SLC6A2: variants seen among roughly 807,000 people sequenced by gnomAD.
SLC6A2 encodes the protein solute carrier family 6 member 2.
Under a neutral mutation model 71.7 loss-of-function variants are expected in SLC6A2, and 26 were observed. The ratio of observed to expected loss-of-function variants is 0.36; its 90% CI spans 0.27 to 0.50. The LOEUF (loss-of-function observed/expected upper bound fraction) is 0.50. Ranked by LOEUF, SLC6A2 falls within the 20% of genes least tolerant of loss-of-function variation. The probability of loss-of-function intolerance (pLI) is 0.96; values close to 1 mark genes in which losing one functional copy is unlikely to be tolerated. For synonymous variants in SLC6A2, 363 were observed against 337.9 expected (o/e 1.07, Z -0.82); for missense variants, 581 against 803.9 (o/e 0.72, Z 3.35).
In SLC6A2 at chr16:55,702,415, C is replaced by T. The variant is rs577921764; in HGVS notation, c.*69C>T. On this transcript the variant is annotated 3_prime_UTR_variant, in exon 15 of 15. Transcript: ENST00000568943. Reference sequence around the variant, plus strand: ...GTCACAGGCATCCGCTGCGCTCCCACCTCGGACACCATCTTGGGATTCCTC... The same window carrying T: ...GTCACAGGCATCCGCTGCGCTCCCATCTCGGACACCATCTTGGGATTCCTC... 3 of 1,613,898 alleles carry T rather than the reference C, an allele frequency of 1.9e-6. No individual in the cohort carries two copies. Among genetic ancestry groups the T allele is most frequent in the East Asian group, 2.2e-5 (1 of 44,830 alleles).
chr16:55,682,050 G>A (rs1448413387), intron 4 of SLC6A2, among the ~76,000 whole-genome samples: 6 of 152,252 alleles, frequency 3.9e-5, no homozygotes, highest in Middle Eastern at 3.4e-3. Flanking sequence ...GGGATTACAG[G>A]CATGCACTAC....
chr16:55,697,772 C>G, intron 9 of SLC6A2, 125 bp from the exon 10 acceptor site: 1 of 969,746 alleles, frequency 1.0e-6, no homozygotes, highest in Non-Finnish European at 1.6e-6. Context: ...GTGCTGATTT[C>G]TCGAGAGAGG....
chr16:55,660,585 A>G (rs1163904209), intron 2 of SLC6A2, among the ~76,000 whole-genome samples: 1 of 152,222 alleles, frequency 6.6e-6, no homozygotes, highest in Non-Finnish European at 1.5e-5. Flanking sequence ...GGGTCTTTGC[A>G]GTTGCAGAAG....
At position 55,699,573 on chromosome 16, in the gene SLC6A2, C is replaced by A. The variant is rs573586347; in HGVS notation, c.1509C>A (p.Asn503Lys). The A allele has an allele frequency of 1.2e-6, 2 of 1,613,906 alleles. No individual in the cohort carries two copies. Among genetic ancestry groups the A allele is most frequent in the Non-Finnish European group, 1.7e-6 (2 of 1,179,936 alleles). Reference protein sequence around the residue: ...SWFYGVDRFSNDIQQMMGFRP... With the variant: ...SWFYGVDRFSKDIQQMMGFRP... ...GCACAGGAGTGGACAGGTTCAGCAA[C>A]GACATCCAGCAGATGATGGGGTTCA... The change falls in exon 12 of 15, where the codon AAC becomes AAA. Residue 503 changes from asparagine (N) to lysine (K), a missense_variant. Asn to Lys is a moderately conservative substitution (Grantham distance 94). This residue lies in a region of SLC6A2 where 334 missense variants were observed against 449.0 expected (regional missense o/e 0.74). Coordinates refer to ENST00000568943, the MANE Select transcript of SLC6A2 (RefSeq NM_001172501.3).
At chr16:55,685,330 G>A (rs759613913) in intron 5 of SLC6A2, 49 bp downstream of exon 5, 2 of 1,582,096 alleles carry the variant, frequency 1.3e-6, no homozygotes, top group East Asian at 4.5e-5. Flanking sequence ...TCAACCTTGG[G>A]GGGTGTGATT....
Position 55,691,953 on chromosome 16 carries a change from G to A in SLC6A2, c.819G>A (p.Val273=). 2.5e-6 allele frequency: 4 copies of A among 1,614,006 alleles called. No individual in the cohort carries two copies. The highest frequency in any genetic ancestry group is 8.5e-7 in the Non-Finnish European group (1 of 1,180,008). ...TCACAGCCACGCTGCCTTACTTCGT[G>A]CTGTTCGTGCTCCTGGTCCATGGCG... The part of the protein sequence containing the change: ...VWITATLPYF[V]LFVLLVHGVT... Residue 273 remains valine, a synonymous_variant, in exon 6 of 15, where the codon GTG becomes GTA. Transcript: ENST00000568943.
intron 2 of SLC6A2, 74 bp from the exon 3 acceptor site, chr16:55,669,491 C>A: frequency 6.4e-7 from 1 of 1,555,002 alleles, no homozygotes; most frequent in Non-Finnish European, 8.9e-7. Flanking sequence ...ATCTTTGCAG[C>A]TCTTGCAGAC....
intron 3 of SLC6A2, among the ~76,000 whole-genome samples, chr16:55,671,375 G>A (rs570031489): frequency 6.8e-4 from 104 of 152,270 alleles, no homozygotes; most frequent in African/African-American, 2.3e-3. Context: ...GTGGGCAGGG[G>A]AGCTCCAGTG....
At chr16:55,697,684 T>A (rs1459575301) in intron 9 of SLC6A2, among the ~76,000 whole-genome samples, 1 of 151,988 alleles carries the variant, frequency 6.6e-6, no homozygotes, top group Non-Finnish European at 1.5e-5. Context: ...ACCCTCACCC[T>A]CTCCCACGTA....
chr16:55,696,653 C>T (rs1965809109), intron 9 of SLC6A2, among the ~76,000 whole-genome samples: 1 of 152,146 alleles, frequency 6.6e-6, no homozygotes, highest in Admixed American at 6.5e-5. Flanking sequence ...AAATCTTGTG[C>T]TCTAAACAAG....
Position 55,656,668 on chromosome 16 carries a change from G to A in SLC6A2, c.-27G>A, listed in dbSNP as rs574284603. 3 of 1,611,006 alleles carry A rather than the reference G, an allele frequency of 1.9e-6. No individual in the cohort carries two copies. The highest frequency in any genetic ancestry group is 1.3e-5 in the African/African-American group (1 of 74,808). The stretch of plus-strand genomic sequence containing the variant: ...GAGCCTCGGCGTGCCCCCAGGACCG[G>A]TAAAGTTCCTCTCGCCAGCCGCATC... On this transcript the variant is annotated 5_prime_UTR_variant, in exon 2 of 15. Transcript: ENST00000568943. The surrounding 1 kb of genome is among the most constrained non-coding windows in gnomAD (Gnocchi z 4.5).
At chr16:55,661,687 G>A (rs1040204724) in intron 2 of SLC6A2, among the ~76,000 whole-genome samples, 1 of 152,198 alleles carries the variant, frequency 6.6e-6, no homozygotes, top group Non-Finnish European at 1.5e-5. Flanking sequence ...GGAATCAGGG[G>A]ATGGGCTTTG....
intron 3 of SLC6A2, 107 bp downstream of exon 3, chr16:55,669,803 G>A (rs1329033944): frequency 8.0e-7 from 1 of 1,244,616 alleles, no homozygotes; most frequent in South Asian, 1.2e-5. Flanking sequence ...CTGTCATGTG[G>A]GATTCACAGG....
intron 5 of SLC6A2, among the ~76,000 whole-genome samples, chr16:55,691,091 T>C (rs1317367279): frequency 6.6e-6 from 1 of 150,592 alleles, no homozygotes; most frequent in East Asian, 2.0e-4. Context: ...AAAGAAAATA[T>C]GCTTAAAGGG....
chr16:55,692,169 C>A, intron 6 of SLC6A2, 117 bp downstream of exon 6: 2 of 1,217,460 alleles, frequency 1.6e-6, no homozygotes, highest in East Asian at 2.4e-5. Flanking sequence ...TAGCCTTGGA[C>A]AGGATCCTTC....
chr16:55,703,825 CTGG>C lies in SLC6A2; in HGVS notation c.*1484_*1486del. ...GCCTCAAATTGGGGTGTTGTTGAGCCTGGTGGTTCCTGCATGAAGAGGATTATG... is the reference window on the plus strand; with the variant it reads ...GCCTCAAATTGGGGTGTTGTTGAGCCTGGTTCCTGCATGAAGAGGATTATG... On this transcript the variant is annotated 3_prime_UTR_variant, in exon 15 of 15. Coordinates refer to ENST00000568943, the MANE Select transcript of SLC6A2 (RefSeq NM_001172501.3). The C allele has an allele frequency of 5.1e-6, 5 of 985,060 alleles. No individual in the cohort carries two copies. The highest frequency in any genetic ancestry group is 6.0e-6 in the Non-Finnish European group (5 of 829,684). The allele number at this position is 985,060 out of a possible 1,614,324, so 61.0% of individuals were successfully genotyped here.
At chr16:55,662,896 C>G (rs1964647809) in intron 2 of SLC6A2, among the ~76,000 whole-genome samples, 1 of 152,180 alleles carries the variant, frequency 6.6e-6, no homozygotes, top group African/African-American at 2.4e-5. Flanking sequence ...GGGGGTTTCT[C>G]CCAGCACATC....
At position 55,702,804 on chromosome 16, in the gene SLC6A2, G is replaced by A; in HGVS notation, c.*458G>A. On this transcript the variant is annotated 3_prime_UTR_variant, in exon 15 of 15. Transcript: ENST00000568943. ...ATCAAACAAAATCTGGCTGAGTTTA[G>A]TGGGGTGGTTGGGGAAGGTACATAG... 9.5e-7 allele frequency: 1 copy of A among 1,052,146 alleles called. No individual in the cohort carries two copies. The highest frequency in any genetic ancestry group is 1.7e-5 in the African/African-American group (1 of 58,638). 65.2% of individuals were successfully genotyped at this position (1,052,146 alleles called of 1,614,324 possible). A position where few individuals can be genotyped will look rare whatever the true frequency, so the allele number is the denominator to read the frequency against.
At chr16:55,678,803 C>T (rs913284611) in intron 4 of SLC6A2, among the ~76,000 whole-genome samples, 1 of 152,172 alleles carries the variant, frequency 6.6e-6, no homozygotes, top group South Asian at 2.1e-4. Context: ...GATTCATTTT[C>T]ATTAAACTTC....
Sources: gnomAD v4.1 joint callset for allele counts (sites outside exome capture counted in the v4.1 genomes callset) on GRCh38, gnomAD v4.1.1 for gene constraint, gnomAD v4.1.1 regional missense constraint, Gnocchi (gnomAD v3.1) non-coding constraint, MANE v1.5 for transcripts, NCBI Gene and HGNC (gene_info 2026-07-23, HGNC 2026-07-21) for gene names.